The following PTPDC1 variants were observed in gnomAD, a reference collection of about 807,000 sequenced individuals.
PTPDC1 encodes protein tyrosine phosphatase domain containing 1, also known as protein tyrosine phosphatase domain-containing protein 1.
In PTPDC1, 53 loss-of-function variants were observed where a neutral mutation model predicts 75.3. That is an observed-to-expected ratio of 0.70 (90% CI 0.56 to 0.88). PTPDC1 has a LOEUF of 0.88. PTPDC1 is among the 40% of genes least tolerant of loss of function. The pLI is 0.00. For missense variants in PTPDC1, 925 were observed against 998.6 expected (o/e 0.93, Z 0.99); for synonymous variants, 349 against 366.2 (o/e 0.95, Z 0.54).
chr9:94,060,931 C>G (rs765007081), intron 1 of PTPDC1, among the ~76,000 whole-genome samples: 8 of 152,116 alleles, frequency 5.3e-5, no homozygotes, highest in Non-Finnish European at 1.2e-4. Flanking sequence ...AATCTCATGT[C>G]CTTCTCACGT....
At chr9:94,092,434 C>T (rs1383117064) in intron 4 of PTPDC1, among the ~76,000 whole-genome samples, 7 of 141,718 alleles carry the variant, frequency 4.9e-5, no homozygotes, top group Non-Finnish European at 9.1e-5. Flanking sequence ...TTTGATTGCA[C>T]TGTGGTCTGA....
At chr9:94,088,111 T>A in intron 3 of PTPDC1, 34 bp from the exon 4 acceptor site, 1 of 1,599,562 alleles carries the variant, frequency 6.3e-7, no homozygotes, top group Non-Finnish European at 8.5e-7. Flanking sequence ...AAATGCTAGC[T>A]CCCAATATGA....
intron 1 of PTPDC1, among the ~76,000 whole-genome samples, chr9:94,060,145 A>G (rs1826082759): frequency 6.6e-6 from 1 of 152,274 alleles, no homozygotes; most frequent in South Asian, 2.1e-4. Context: ...GAAGCTATAT[A>G]TCAGAAGTGA....
At position 94,097,507 on chromosome 9, in the gene PTPDC1, C is replaced by T. The variant is rs1201225982; in HGVS notation, c.941C>T (p.Ala314Val). ...IFSCCDPKAHAVTLPQYLIRQ... is the reference protein window; with the variant it reads ...IFSCCDPKAHVVTLPQYLIRQ... ...TCTTGCTGTGATCCCAAAGCACATG[C>T]TGTCACCTTACCTCAATATCTAATT... The change falls in exon 6 of 9, where the codon GCT becomes GTT. Residue 314 changes from alanine (A) to valine (V), a missense_variant. Ala to Val is a moderately conservative substitution (Grantham distance 64). Transcript: ENST00000620992. 1 of 1,614,160 alleles carries T rather than the reference C, an allele frequency of 6.2e-7. No individual in the cohort carries two copies. Among genetic ancestry groups the T allele is most frequent in the Admixed American group, 1.7e-5 (1 of 60,032 alleles).
At chr9:94,102,645 T>C (rs529134030) in intron 7 of PTPDC1, among the ~76,000 whole-genome samples, 10 of 152,292 alleles carry the variant, frequency 6.6e-5, no homozygotes, top group African/African-American at 2.2e-4. Flanking sequence ...AATGGCGCGA[T>C]CTCAGCTCAC....
At chr9:94,065,114 A>G (rs1384279411) in intron 2 of PTPDC1, among the ~76,000 whole-genome samples, 2 of 152,272 alleles carry the variant, frequency 1.3e-5, no homozygotes, top group Non-Finnish European at 1.5e-5. Flanking sequence ...TTATGAATCA[A>G]ACTTTAATTT....
At chr9:94,055,558 C>G (rs964915249) in intron 1 of PTPDC1, among the ~76,000 whole-genome samples, 7 of 152,122 alleles carry the variant, frequency 4.6e-5, no homozygotes, top group African/African-American at 1.7e-4. Flanking sequence ...TATGGAGGAA[C>G]CTTAAATGAA....
At position 94,109,075 on chromosome 9, in the gene PTPDC1, A is replaced by C. The variant is rs1432247668; in HGVS notation, c.*1131A>C. 7 of 152,246 alleles carry C rather than the reference A, an allele frequency of 4.6e-5. No individual in the cohort carries two copies. Among genetic ancestry groups the C allele is most frequent in the Non-Finnish European group, 1.5e-5 (1 of 68,040 alleles). The allele number at this position is 152,246 out of a possible 1,614,324, so 9.4% of individuals were successfully genotyped here. A position where few individuals can be genotyped will look rare whatever the true frequency, so the allele number is the denominator to read the frequency against. The stretch of plus-strand genomic sequence containing the variant: ...TAAGATTTTTAAACTGAAGTTGACC[A>C]TACAGGTTGCATTAGCCCTAACTGG... On this transcript the variant is annotated 3_prime_UTR_variant, in exon 9 of 9. Coordinates refer to ENST00000620992, the MANE Select transcript of PTPDC1 (RefSeq NM_001253829.2).
In PTPDC1 at chr9:94,060,849, G is replaced by A. The variant is rs147276772; in HGVS notation, c.-6-3885G>A. On this transcript the variant is annotated intron_variant, in intron 1 of 9. Coordinates refer to the PTPDC1 transcript ENST00000375360. ...ACCAAGCCCCACCTTCAACATTGGGGATTACAATTCCACATGAGAGTTCGG... is the reference window on the plus strand; with the variant it reads ...ACCAAGCCCCACCTTCAACATTGGGAATTACAATTCCACATGAGAGTTCGG... 6.7e-3 allele frequency among the ~76,000 whole-genome samples: 1,018 copies of A among 152,230 alleles called. 4 individuals are homozygous for A. Among genetic ancestry groups the A allele is most frequent in the African/African-American group, 0.023 (962 of 41,534 alleles).
intron 4 of PTPDC1, among the ~76,000 whole-genome samples, chr9:94,093,243 T>C (rs1467728209): frequency 6.6e-6 from 1 of 151,232 alleles, no homozygotes; most frequent in Non-Finnish European, 1.5e-5. Flanking sequence ...TTTCCATGTT[T>C]AGTGCTTCCT....
At chr9:94,080,992 T>C (rs1267412597), upstream of PTPDC1, among the ~76,000 whole-genome samples, 2 of 142,506 alleles carry the variant, frequency 1.4e-5, no homozygotes, top group Non-Finnish European at 3.1e-5. Context: ...CTTTTTCTTT[T>C]TCTTTTTTTT....
chr9:94,094,451 C>A (rs942489136), intron 4 of PTPDC1, among the ~76,000 whole-genome samples: 2 of 152,152 alleles, frequency 1.3e-5, no homozygotes, highest in Non-Finnish European at 2.9e-5. Context: ...TTTCCAGCTG[C>A]GTGCTGGGAG....
At chr9:94,091,315 CT>C (rs1259805843) in intron 4 of PTPDC1, among the ~76,000 whole-genome samples, 7 of 152,058 alleles carry the variant, frequency 4.6e-5, no homozygotes, top group East Asian at 1.9e-4. Flanking sequence ...TTGTCAAAGG[CT>C]TTTTTCTGCA....
chr9:94,047,564 G>A (rs186117028), intron 1 of PTPDC1, among the ~76,000 whole-genome samples: 2 of 152,076 alleles, frequency 1.3e-5, no homozygotes, highest in Admixed American at 6.5e-5. Flanking sequence ...AAATAACTAA[G>A]ATCAGAGCAG....
chr9:94,105,106 T>C lies in PTPDC1; in HGVS notation c.2310+721T>C, dbSNP rs560993462. Among the ~76,000 whole-genome samples the C allele has an allele frequency of 4.7e-4, 71 of 152,370 alleles. No individual in the cohort carries two copies. The South Asian group carries it at 6.0e-3, about 13-fold the overall frequency. ...GATAAGAAGTTATTATTTATACTCA[T>C]TAACAAGTTATAAAGATTCTTCCTT... On this transcript the variant is annotated intron_variant, in intron 8 of 8. Coordinates refer to ENST00000620992, the MANE Select transcript of PTPDC1 (RefSeq NM_001253829.2).
chr9:94,049,117 T>G (rs1298999214), intron 1 of PTPDC1, among the ~76,000 whole-genome samples: 3 of 152,204 alleles, frequency 2.0e-5, no homozygotes, highest in Admixed American at 1.3e-4. Flanking sequence ...TGAGATGGGT[T>G]TCCTGAATAC....
In PTPDC1 at chr9:94,109,330, A is replaced by C. The variant is rs1429854718; in HGVS notation, c.*1386A>C. Reference sequence around the variant, plus strand: ...AGGGGAAGCAAGACTCATTTAGAACAAATGAAATTTCTCCAGTCCTACATT... The same window carrying C: ...AGGGGAAGCAAGACTCATTTAGAACCAATGAAATTTCTCCAGTCCTACATT... On this transcript the variant is annotated 3_prime_UTR_variant, in exon 9 of 9. Coordinates refer to ENST00000620992, the MANE Select transcript of PTPDC1 (RefSeq NM_001253829.2). 6.6e-6 allele frequency: 1 copy of C among 152,238 alleles called. No homozygotes were observed. The highest frequency in any genetic ancestry group is 1.5e-5 in the Non-Finnish European group (1 of 68,044). 9.4% of individuals were successfully genotyped at this position (152,238 alleles called of 1,614,324 possible).
chr9:94,097,980 A>T lies in PTPDC1; in HGVS notation c.1414A>T (p.Ile472Phe), dbSNP rs532095147. Reference protein sequence around the residue: ...GETPQTVPAQILVGHKPRQQK... With the variant: ...GETPQTVPAQFLVGHKPRQQK... The stretch of plus-strand genomic sequence containing the variant: ...GACTCCACAGACAGTGCCTGCCCAG[A>T]TCTTGGTTGGCCACAAGCCCAGGCA... Residue 472 changes from isoleucine to phenylalanine, a missense_variant, in exon 6 of 9, where the codon ATC (isoleucine) becomes TTC (phenylalanine). By Grantham distance (21) the Ile-to-Phe change is conservative. Coordinates refer to ENST00000620992, the MANE Select transcript of PTPDC1 (RefSeq NM_001253829.2). 1.9e-6 allele frequency: 3 copies of T among 1,614,176 alleles called. No individual in the cohort carries two copies. Among genetic ancestry groups the T allele is most frequent in the African/African-American group, 2.7e-5 (2 of 75,052 alleles).
chr9:94,059,643 G>A (rs72618200), intron 1 of PTPDC1, among the ~76,000 whole-genome samples: 7,238 of 152,156 alleles, frequency 0.048, 252 homozygotes, highest in East Asian at 0.15. Flanking sequence ...CATAAGAACC[G>A]GAGGTCTAAG....
Sources: allele counts gnomAD v4.1 joint callset (sites outside exome capture counted in the v4.1 genomes callset), GRCh38; gene constraint gnomAD v4.1.1; transcripts MANE v1.5; gene names NCBI Gene and HGNC (gene_info 2026-07-23, HGNC 2026-07-21).